The following NLRC3 variants were observed in gnomAD, a reference collection of about 807,000 sequenced individuals.
NLRC3 encodes the protein NLR family CARD domain containing 3.
Under a neutral mutation model 91.6 loss-of-function variants are expected in NLRC3, and 87 were observed. The ratio of observed to expected loss-of-function variants is 0.95; its 90% CI spans 0.80 to 1.14. NLRC3 has a LOEUF of 1.14. NLRC3 is among the 50% of genes most tolerant of loss of function. The probability of loss-of-function intolerance (pLI) is 0.00; values close to 1 mark genes in which losing one functional copy is unlikely to be tolerated. For synonymous variants in NLRC3, 694 were observed against 625.3 expected, an observed-to-expected ratio of 1.11 and a Z score of -1.64; for missense variants, 1,577 against 1,418.6, an observed-to-expected ratio of 1.11 and a Z score of -1.79.
intron 1 of NLRC3, among the ~76,000 whole-genome samples, chr16:3,570,407 C>T (rs1034983249): frequency 1.3e-5 from 2 of 152,132 alleles, no homozygotes; most frequent in Non-Finnish European, 2.9e-5. Context: ...ATGTTCTAGG[C>T]CCTGGGGATG....
intron 6 of NLRC3, among the ~76,000 whole-genome samples, chr16:3,560,146 G>T (rs1047974795): frequency 2.0e-5 from 3 of 152,100 alleles, no homozygotes; most frequent in African/African-American, 7.2e-5. Flanking sequence ...TGGCCACAGT[G>T]GCTCACACCT....
At position 3,563,056 on chromosome 16, in the gene NLRC3, G is replaced by A. The variant is rs761968874; in HGVS notation, c.1881C>T (p.Gly627=). Residue 627 remains glycine, a synonymous_variant, in exon 5 of 20, where the codon GGC becomes GGT. Transcript: ENST00000359128. Reference sequence around the variant, plus strand: ...GCTGGGGCAGCAGGCTCTGAAGGACGCCCTGGCTGAGGCTCAGGGACAGGT... The same window carrying A: ...GCTGGGGCAGCAGGCTCTGAAGGACACCCTGGCTGAGGCTCAGGGACAGGT... ...EANLSLSLSQ[G]VLQSLLPQLL... is the part of the protein sequence containing the mutation. The A allele has an allele frequency of 2.0e-5, 32 of 1,561,554 alleles. No individual in the cohort carries two copies. The African/African-American group carries it at 3.4e-4, about 17-fold the overall frequency.
At chr16:3,553,908 A>ATT (rs761837100) in intron 9 of NLRC3, among the ~76,000 whole-genome samples, 3 of 130,388 alleles carry the variant, frequency 2.3e-5, no homozygotes, top group Admixed American at 7.6e-5. Flanking sequence ...TGCCTGGTTA[A>ATT]TTTTTTTTTT....
chr16:3,547,147 C>G (rs1036933369), intron 15 of NLRC3, among the ~76,000 whole-genome samples: 3 of 152,168 alleles, frequency 2.0e-5, no homozygotes, highest in Non-Finnish European at 2.9e-5. Context: ...AACAACCCAA[C>G]GTCCGTCAGC....
In NLRC3 at chr16:3,541,583, T is replaced by C. The variant is rs75641087; in HGVS notation, c.*242A>G. 7.2e-3 allele frequency: 3,849 copies of C among 532,404 alleles called. 104 individuals carry two copies. Among genetic ancestry groups the C allele is most frequent in the African/African-American group, 0.059 (3,090 of 52,610 alleles). 33.0% of individuals were successfully genotyped at this position (532,404 alleles called of 1,614,324 possible). ...CCTTTGGCCCCTAGTCCCTTGGGGG[T>C]GGCCCCTCCCTTCTCTGTGCCATAA... On this transcript the variant is annotated 3_prime_UTR_variant, in exon 20 of 20. Transcript: ENST00000359128.
In NLRC3 at chr16:3,552,316, G is replaced by A. The variant is rs2039060697; in HGVS notation, c.2268-37C>T. 3 of 1,467,598 alleles carry A rather than the reference G, an allele frequency of 2.0e-6. No homozygotes were observed. In the African/African-American group the frequency reaches 4.2e-5, roughly 20 times the overall value. The allele number at this position is 1,467,598 out of a possible 1,614,324, so 90.9% of individuals were successfully genotyped here. A position where few individuals can be genotyped will look rare whatever the true frequency, so the allele number is the denominator to read the frequency against. ...AAGAGAGGGGTCCTTTAGAAAGGCT[G>A]GTCACAGCCATTCCCAGGCCAAGGA... is the stretch of plus-strand genomic sequence containing the variant. On this transcript the variant is annotated intron_variant, in intron 9 of 19. Transcript: ENST00000359128.
intron 17 of NLRC3, 65 bp from the exon 18 acceptor site, chr16:3,542,840 C>A: frequency 8.6e-7 from 1 of 1,156,322 alleles, no homozygotes. Context: ...GACCCCTCTG[C>A]GGGTGGGCTT....
intron 1 of NLRC3, among the ~76,000 whole-genome samples, chr16:3,568,984 C>G (rs2039987904): frequency 5.9e-5 from 9 of 152,064 alleles, no homozygotes; most frequent in Admixed American, 5.9e-4. Flanking sequence ...CATTGGTTTT[C>G]ATCATTTTCC....
intron 1 of NLRC3, among the ~76,000 whole-genome samples, chr16:3,575,399 G>A (rs532491403): frequency 1.3e-4 from 20 of 152,308 alleles, no homozygotes; most frequent in African/African-American, 3.6e-4. Context: ...ATGGTCAGGC[G>A]GCCCCTGTGA....
At position 3,561,793 on chromosome 16, in the gene NLRC3, C is replaced by T. The variant is rs762523858; in HGVS notation, c.1929-5G>A. 5.0e-6 allele frequency: 8 copies of T among 1,611,516 alleles called. No homozygotes were observed. The African/African-American group carries it at 9.3e-5, about 19-fold the overall frequency. ...TGGAACTGGTTGGTGTCCAGCCTGGCCAAGGGGAGCAGTGACAGTGAGTGT... is the reference window on the plus strand; with the variant it reads ...TGGAACTGGTTGGTGTCCAGCCTGGTCAAGGGGAGCAGTGACAGTGAGTGT... On this transcript the variant is annotated splice_polypyrimidine_tract_variant and splice_region_variant and intron_variant, in intron 5 of 19. Transcript: ENST00000359128.
chr16:3,575,420 AAGAC>A (rs542932049), intron 1 of NLRC3, among the ~76,000 whole-genome samples: 189 of 152,324 alleles, frequency 1.2e-3, no homozygotes, highest in African/African-American at 3.3e-3. Flanking sequence ...GCGCAGCTGA[AAGAC>A]AGAGAGACTG....
intron 14 of NLRC3, 122 bp from the exon 15 acceptor site, chr16:3,548,340 C>T (rs2038808123): frequency 1.3e-6 from 1 of 770,930 alleles, no homozygotes. Context: ...AGAATTCCTG[C>T]AACCCCTGCC....
At chr16:3,573,333 T>G (rs942970351) in intron 1 of NLRC3, among the ~76,000 whole-genome samples, 1 of 151,578 alleles carries the variant, frequency 6.6e-6, no homozygotes, top group East Asian at 1.9e-4. Context: ...GAAGCTGAGG[T>G]GGGAGGATCG....
chr16:3,564,634 C>G lies in NLRC3; in HGVS notation c.303G>C (p.Leu101=). The change falls in exon 5 of 20, where the codon CTG becomes CTC. Residue 101 remains leucine (L), a synonymous_variant. Coordinates refer to ENST00000359128, the MANE Select transcript of NLRC3 (RefSeq NM_178844.4). The surrounding 1 kb of genome is among the most constrained non-coding windows in gnomAD (Gnocchi z 5.9). ...LLVEGLTDLQ[L]REHDFTQVEA... ...CCACCTGTGTGAAGTCGTGTTCCCT[C>G]AGCTGCAGGTCCGTCAGGCCCTCCA... 2.5e-6 allele frequency: 4 copies of G among 1,608,462 alleles called. No homozygotes were observed. The highest frequency in any genetic ancestry group is 2.5e-6 in the Non-Finnish European group (3 of 1,179,746).
At chr16:3,547,318 A>G (rs2038741419) in intron 15 of NLRC3, among the ~76,000 whole-genome samples, 1 of 152,170 alleles carries the variant, frequency 6.6e-6, no homozygotes, top group Admixed American at 6.5e-5. Flanking sequence ...GTATGATTCT[A>G]TTTTTGGCCA....
rs754406618 is a variant in NLRC3 at position 3,556,891 on chromosome 16, A to G, written c.2183+20T>C. The G allele has an allele frequency of 6.3e-7, 1 of 1,577,042 alleles. No homozygotes were observed. Among genetic ancestry groups the G allele is most frequent in the Non-Finnish European group, 8.7e-7 (1 of 1,147,358 alleles). ...GGGCCCTCTCTTGGGGTCACAACAC[A>G]GGGAGCAGGTGACACACACCTCAGG... On this transcript the variant is annotated intron_variant, in intron 8 of 19. Transcript: ENST00000359128.
chr16:3,556,527 G>C (rs948673329), intron 8 of NLRC3, among the ~76,000 whole-genome samples: 2 of 150,898 alleles, frequency 1.3e-5, no homozygotes, highest in Non-Finnish European at 3.0e-5. Context: ...TGCTTGTTGA[G>C]AGAGTTTCAC....
chr16:3,564,104 C>T lies in NLRC3; in HGVS notation c.833G>A (p.Gly278Asp). The T allele has an allele frequency of 6.2e-7, 1 of 1,613,582 alleles. No individual in the cohort carries two copies. Among genetic ancestry groups the T allele is most frequent in the Non-Finnish European group, 8.5e-7 (1 of 1,179,848 alleles). The change falls in exon 5 of 20, where the codon GGC becomes GAC. Residue 278 changes from glycine to aspartate, a missense_variant. Coordinates refer to ENST00000359128, the MANE Select transcript of NLRC3 (RefSeq NM_178844.4). This position sits in a 1 kb window ranked among gnomAD's most constrained non-coding sequence, Gnocchi z 5.9. Reference sequence around the variant, plus strand: ...GATCTCCGTCATCCGGTCCACCAGGCCCCCTGGGATCTGGCCAGATGCACT... The same window carrying T: ...GATCTCCGTCATCCGGTCCACCAGGTCCCCTGGGATCTGGCCAGATGCACT... ...RPSASGQIPG[G>D]LVDRMTEIRG...
intron 1 of NLRC3, among the ~76,000 whole-genome samples, chr16:3,569,394 ATT>A (rs1491179981): frequency 1.3e-4 from 6 of 47,298 alleles, no homozygotes; most frequent in East Asian, 6.5e-4. Context: ...ATATATATAT[ATT>A]ATTTTTTTTT....
Sources: gnomAD v4.1 joint callset for allele counts (sites outside exome capture counted in the v4.1 genomes callset) on GRCh38, gnomAD v4.1.1 for gene constraint, Gnocchi (gnomAD v3.1) non-coding constraint, MANE v1.5 for transcripts, NCBI Gene and HGNC (gene_info 2026-07-23, HGNC 2026-07-21) for gene names.